The following CGGBP1 variants were observed in gnomAD, a reference collection of about 807,000 sequenced individuals.
CGGBP1 encodes CGG triplet repeat binding protein 1.
CGGBP1 carries 4 observed loss-of-function variants against 11.4 expected under a neutral mutation model. That is an observed-to-expected ratio of 0.35 (90% CI 0.17 to 0.80). CGGBP1 has a LOEUF of 0.80. CGGBP1 is among the 30% of genes least tolerant of loss of function. The pLI, the probability that CGGBP1 is intolerant of heterozygous loss-of-function variation, is 0.52. For missense variants in CGGBP1, 135 were observed against 202.1 expected (o/e 0.67, Z 2.01); for synonymous variants, 76 against 74.1 (o/e 1.03, Z -0.13).
At chr3:88,134,891 A>T (rs573368330) in intron 2 of CGGBP1, among the ~76,000 whole-genome samples, 2 of 152,060 alleles carry the variant, frequency 1.3e-5, no homozygotes, top group Admixed American at 1.3e-4. Context: ...TTCCTCTCCC[A>T]ACTTGTTTTA....
chr3:88,135,222 C>A, intron 2 of CGGBP1: 2 of 1,410,414 alleles, frequency 1.4e-6, no homozygotes, highest in Non-Finnish European at 9.2e-7. Flanking sequence ...ATATATTTGT[C>A]CCTTAAATTT....
chr3:88,091,287 G>C (rs1708618520), intron 2 of CGGBP1, among the ~76,000 whole-genome samples: 2 of 152,048 alleles, frequency 1.3e-5, no homozygotes. Context: ...TGGCTACGTA[G>C]ACAAAAATAA....
chr3:88,129,337 A>AAG (rs1706306858), intron 2 of CGGBP1, among the ~76,000 whole-genome samples: 1 of 150,920 alleles, frequency 6.6e-6, no homozygotes. Context: ...AAAAAAAAAA[A>AAG]AAAAAAAACC....
In CGGBP1 at chr3:88,080,427, G is replaced by A. The variant is rs563598042; in HGVS notation, c.-228-22204C>T. 4.6e-5 allele frequency among the ~76,000 whole-genome samples: 7 copies of A among 152,124 alleles called. No individual in the cohort carries two copies. In the South Asian group the frequency reaches 1.4e-3, roughly 32 times the overall value. ...ATCTGATAGCTCTTGTTTGTTACATGCCAGGAATTATCCTATATTTTAATA... is the reference window on the plus strand; with the variant it reads ...ATCTGATAGCTCTTGTTTGTTACATACCAGGAATTATCCTATATTTTAATA... On this transcript the variant is annotated intron_variant, in intron 2 of 3. Coordinates refer to the CGGBP1 transcript ENST00000462901.
intron 2 of CGGBP1, among the ~76,000 whole-genome samples, chr3:88,098,091 A>G (rs1704174751): frequency 6.6e-6 from 1 of 152,166 alleles, no homozygotes; most frequent in South Asian, 2.1e-4. Flanking sequence ...TAGCAAGACT[A>G]ATAAAGAAGA....
chr3:88,059,638 C>G (rs1431084373), upstream of CGGBP1: 4 of 1,331,214 alleles, frequency 3.0e-6, no homozygotes, highest in Non-Finnish European at 1.9e-6. Context: ...GAGGCTGAAG[C>G]TCCCTCCTCC....
Position 88,125,215 on chromosome 3 carries a change from C to CA in CGGBP1, c.-229+15754dup, listed in dbSNP as rs71272834. 3.5e-3 allele frequency among the ~76,000 whole-genome samples: 426 copies of CA among 120,748 alleles called. 3 individuals are homozygous for CA. The highest frequency in any genetic ancestry group is 3.9e-3 in the Non-Finnish European group (223 of 56,796). The allele number at this position is 120,748 out of a possible 152,430, so 79.2% of individuals were successfully genotyped here. A position where few individuals can be genotyped will look rare whatever the true frequency, so the allele number is the denominator to read the frequency against. ...GGGCATCAAAGTTAAGACTCCATCTCAAAAAAAAAAACAAAAAAACAAAAA... is the reference window on the plus strand; with the variant it reads ...GGGCATCAAAGTTAAGACTCCATCTCAAAAAAAAAAAACAAAAAAACAAAAA... On this transcript the variant is annotated intron_variant, in intron 2 of 3. Coordinates refer to the CGGBP1 transcript ENST00000462901.
chr3:88,139,226 G>C, intron 2 of CGGBP1: 1 of 1,489,262 alleles, frequency 6.7e-7, no homozygotes, highest in Non-Finnish European at 8.9e-7. Flanking sequence ...CTGGAGTGCA[G>C]CCTAAAGGTC....
intron 2 of CGGBP1, 159 bp downstream of exon 2, chr3:88,057,860 T>G (rs906638822): frequency 1.3e-5 from 2 of 152,190 alleles, no homozygotes; most frequent in African/African-American, 4.8e-5. Flanking sequence ...ATGCTCGAGT[T>G]TACATACCCG....
rs1945653580 is a variant in CGGBP1 at position 88,055,744 on chromosome 3, T to C, written c.233A>G (p.Asn78Ser). Residue 78 changes from asparagine (N) to serine (S), a missense_variant, in exon 4 of 4, where the codon AAT (asparagine) becomes AGT (serine). By Grantham distance (46) the Asn-to-Ser change is conservative (BLOSUM62 1). Transcript: ENST00000482016. The surrounding 1 kb of genome is among the most constrained non-coding windows in gnomAD (Gnocchi z 4.2). Reference sequence around the variant, plus strand: ...TAGGGGCCTCTGCTTCTTTCTCACATTCTGCTCTTCAAATTCTGCCTTCCT... The same window carrying C: ...TAGGGGCCTCTGCTTCTTTCTCACACTCTGCTCTTCAAATTCTGCCTTCCT... ...TKRKAEFEEQ[N>S]VRKKQRPLTA... 1 of 1,614,118 alleles carries C rather than the reference T, an allele frequency of 6.2e-7. No individual in the cohort carries two copies. Among genetic ancestry groups the C allele is most frequent in the Admixed American group, 1.7e-5 (1 of 60,008 alleles).
chr3:88,127,547 C>CGTCT (rs1706190014), intron 2 of CGGBP1, among the ~76,000 whole-genome samples: 1 of 151,824 alleles, frequency 6.6e-6, no homozygotes, highest in Admixed American at 6.6e-5. Flanking sequence ...GGGTGACAGA[C>CGTCT]TAGAGGAAAT....
chr3:88,087,077 C>T (rs1471940259), intron 2 of CGGBP1, among the ~76,000 whole-genome samples: 1 of 144,752 alleles, frequency 6.9e-6, no homozygotes. Flanking sequence ...CCACCGTGCC[C>T]AGCCCATTGT....
intron 2 of CGGBP1, among the ~76,000 whole-genome samples, chr3:88,081,973 T>C (rs1329901822): frequency 6.6e-6 from 1 of 152,210 alleles, no homozygotes; most frequent in Non-Finnish European, 1.5e-5. Context: ...TAATGTGTTT[T>C]AAAACATTTT....
chr3:88,137,891 T>TTATA (rs1706892989), intron 2 of CGGBP1, among the ~76,000 whole-genome samples: 8 of 151,550 alleles, frequency 5.3e-5, no homozygotes, highest in African/African-American at 1.7e-4. Context: ...GTAGGCAGTA[T>TTATA]GATATATATA....
intron 3 of CGGBP1, chr3:88,056,203 A>T: frequency 2.3e-6 from 1 of 432,862 alleles, no homozygotes; most frequent in South Asian, 5.2e-5. Context: ...AGTCGCAATC[A>T]GGTCCATTCC....
At chr3:88,095,627 C>A in intron 2 of CGGBP1, 2 of 513,330 alleles carry the variant, frequency 3.9e-6, no homozygotes, top group South Asian at 1.4e-5. Flanking sequence ...CTAGTCTTAT[C>A]TCGAAGCCCC....
chr3:88,129,986 T>C (rs979699721), intron 2 of CGGBP1, among the ~76,000 whole-genome samples: 15 of 152,190 alleles, frequency 9.9e-5, no homozygotes, highest in Admixed American at 8.5e-4. Context: ...AACTAGAGAC[T>C]TTAAAAAGAA....
At chr3:88,087,378 A>C (rs911939975) in intron 2 of CGGBP1, among the ~76,000 whole-genome samples, 2 of 152,160 alleles carry the variant, frequency 1.3e-5, no homozygotes, top group African/African-American at 4.8e-5. Flanking sequence ...CCTGGCTGAA[A>C]ATCCTGGTTT....
At chr3:88,146,386 G>C (rs186734457) in intron 1 of CGGBP1, among the ~76,000 whole-genome samples, 1 of 152,156 alleles carries the variant, frequency 6.6e-6, no homozygotes, top group South Asian at 2.1e-4. Context: ...AAATGGTTGG[G>C]TGAATGGATA....
Sources: gnomAD v4.1 joint callset for allele counts (sites outside exome capture counted in the v4.1 genomes callset) on GRCh38, gnomAD v4.1.1 for gene constraint, Gnocchi (gnomAD v3.1) non-coding constraint, MANE v1.5 for transcripts, NCBI Gene and HGNC (gene_info 2026-07-23, HGNC 2026-07-21) for gene names.